Variants in VGLL4 observed in about 807,000 individuals in gnomAD.
VGLL4 encodes transcription cofactor vestigial-like protein 4.
VGLL4 carries 7 observed loss-of-function variants against 21.0 expected under a neutral mutation model. The observed-to-expected ratio is 0.33, with a 90% CI of 0.19 to 0.63. VGLL4 has a LOEUF of 0.63. Ranked by LOEUF, VGLL4 falls within the 20% of genes least tolerant of loss-of-function variation. The pLI, the probability that VGLL4 is intolerant of heterozygous loss-of-function variation, is 0.78. For synonymous variants in VGLL4, 222 were observed against 173.2 expected (o/e 1.28, Z -2.21); for missense variants, 394 against 425.7 (o/e 0.93, Z 0.66).
chr3:11,584,223 T>C (rs139577051), intron 2 of VGLL4, among the ~76,000 whole-genome samples: 47 of 152,248 alleles, frequency 3.1e-4, no homozygotes, highest in Middle Eastern at 3.4e-3. Context: ...AGAAAGAAGA[T>C]GAATACTCTA....
chr3:11,692,105 T>G (rs918157547), intron 2 of VGLL4, among the ~76,000 whole-genome samples: 4 of 152,054 alleles, frequency 2.6e-5, no homozygotes, highest in African/African-American at 9.7e-5. Flanking sequence ...AAAATATGGA[T>G]CTCTAAGGAT....
rs757969685 is a variant in VGLL4 at position 11,558,562 on chromosome 3, G to A, written c.885C>T (p.Val295=). Residue 295 remains valine (V), a synonymous_variant, in exon 5 of 5, where the codon GTC becomes GTT. Coordinates refer to ENST00000430365, the MANE Select transcript of VGLL4 (RefSeq NM_001128219.3). ...GTTGGAGGAGGCGCTCCCTTCAGGA[G>A]ACCACAGAGGGGGAGTGACTGTGGC... is the stretch of plus-strand genomic sequence containing the variant. The part of the protein sequence containing the change: ...MVSHSHSPSV[V]S 48 of 1,599,396 alleles carry A rather than the reference G, an allele frequency of 3.0e-5. 1 individual carries two copies. The Middle Eastern group carries it at 5.0e-4, about 17-fold the overall frequency.
In VGLL4 at chr3:11,559,365, G is replaced by C. The variant is rs2072754435; in HGVS notation, c.586C>G (p.Pro196Ala). Residue 196 changes from proline to alanine, a missense_variant, in exon 4 of 5, where the codon CCC becomes GCC. By Grantham distance (27) the Pro-to-Ala change is conservative. Coordinates refer to ENST00000430365, the MANE Select transcript of VGLL4 (RefSeq NM_001128219.3). ...CPIAHSGCAA[P>A]GPASYRRPPS... ...GGCCTCCGGTAGCTGGCAGGCCCGG[G>C]CGCGGCACAGCCGCTGTGCGCGATG... 14 of 1,551,382 alleles carry C rather than the reference G, an allele frequency of 9.0e-6. No homozygotes were observed. Among genetic ancestry groups the C allele is most frequent in the Non-Finnish European group, 1.2e-5 (14 of 1,147,516 alleles).
chr3:11,652,342 G>C (rs2075885017), intron 2 of VGLL4, among the ~76,000 whole-genome samples: 1 of 152,100 alleles, frequency 6.6e-6, no homozygotes, highest in South Asian at 2.1e-4. Flanking sequence ...TTGATGCCAA[G>C]TGATTAAATA....
rs923900211 is a variant in VGLL4 at position 11,720,340 on chromosome 3, C to A, written c.-14+54G>T. ...CCCGCCTCCCGGGCCCCGTCGCCCCCTCTCGGCACCCGCATGCCCGAGCCG... is the reference window on the plus strand; with the variant it reads ...CCCGCCTCCCGGGCCCCGTCGCCCCATCTCGGCACCCGCATGCCCGAGCCG... On this transcript the variant is annotated intron_variant, in intron 1 of 5. Transcript: ENST00000273038. 3 of 149,476 alleles carry A rather than the reference C, an allele frequency of 2.0e-5. No individual in the cohort carries two copies. In the East Asian group the frequency reaches 6.1e-4, roughly 30 times the overall value. 9.3% of individuals were successfully genotyped at this position (149,476 alleles called of 1,614,324 possible). A position where few individuals can be genotyped will look rare whatever the true frequency, so the allele number is the denominator to read the frequency against.
chr3:11,626,600 T>C, intron 1 of VGLL4: 1 of 300,766 alleles, frequency 3.3e-6, no homozygotes, highest in South Asian at 3.1e-5. Flanking sequence ...GCTATGGTTA[T>C]CCCACCTCTT....
Position 11,627,666 on chromosome 3 carries a change from A to C in VGLL4, c.82+15771T>G, listed in dbSNP as rs1381021044. On this transcript the variant is annotated intron_variant, in intron 1 of 4. Transcript: ENST00000430365. ...ATCGCAGTATTACGTTAAATGTGTA[A>C]TTTTCCAAGGTAACTATTACTTATT... 3.3e-5 allele frequency among the ~76,000 whole-genome samples: 5 copies of C among 151,764 alleles called. No homozygotes were observed. In the East Asian group the frequency reaches 9.7e-4, roughly 29 times the overall value.
At chr3:11,605,501 A>C (rs1029853483) in intron 1 of VGLL4, among the ~76,000 whole-genome samples, 6 of 151,864 alleles carry the variant, frequency 4.0e-5, no homozygotes, top group Non-Finnish European at 5.9e-5. Context: ...TAGACTCATC[A>C]CCATTCCACA....
At chr3:11,709,420 G>A (rs2076807171) in intron 1 of VGLL4, among the ~76,000 whole-genome samples, 1 of 141,856 alleles carries the variant, frequency 7.0e-6, no homozygotes, top group Non-Finnish European at 1.5e-5. Context: ...CCAGGGAACA[G>A]TGCAAGACTC....
At chr3:11,644,882 CAAG>C (rs1379060327), upstream of VGLL4, among the ~76,000 whole-genome samples, 94 of 146,956 alleles carry the variant, frequency 6.4e-4, no homozygotes, top group African/African-American at 2.1e-3. Flanking sequence ...AAAAAGGAGA[CAAG>C]GAGAGGAGAA....
chr3:11,597,354 T>C (rs2074670636), intron 2 of VGLL4, among the ~76,000 whole-genome samples: 1 of 152,132 alleles, frequency 6.6e-6, no homozygotes, highest in Non-Finnish European at 1.5e-5. Context: ...CAAACAGACA[T>C]TCATCTTCTT....
intron 1 of VGLL4, among the ~76,000 whole-genome samples, chr3:11,632,177 A>G (rs2075492199): frequency 6.6e-6 from 1 of 152,026 alleles, no homozygotes; most frequent in African/African-American, 2.4e-5. Context: ...GCCGTGTGTA[A>G]TGGCACGCAC....
rs763265828 is a variant in VGLL4, at chr3:11,559,387, G to A, written c.564C>T (p.Ile188=). ...ARNCNLSHCP[I]AHSGCAAPGP... ...CGGGCGCGGCACAGCCGCTGTGCGCGATGGGGCAGTGCGAGAGGTTGCAGT... is the reference window on the plus strand; with the variant it reads ...CGGGCGCGGCACAGCCGCTGTGCGCAATGGGGCAGTGCGAGAGGTTGCAGT... The change falls in exon 4 of 5, where the codon ATC becomes ATT. Residue 188 remains isoleucine, a synonymous_variant. Transcript: ENST00000430365. 101 of 1,558,710 alleles carry A rather than the reference G, an allele frequency of 6.5e-5. No homozygotes were observed. Among genetic ancestry groups the A allele is most frequent in the Non-Finnish European group, 8.2e-5 (95 of 1,152,178 alleles).
At chr3:11,586,777 G>A (rs560804150) in intron 2 of VGLL4, among the ~76,000 whole-genome samples, 4 of 152,252 alleles carry the variant, frequency 2.6e-5, no homozygotes, top group Admixed American at 2.6e-4. Flanking sequence ...TATGACAATC[G>A]CTTTGTCGGG....
rs1430688101 is a variant in VGLL4, at chr3:11,681,244, C to T, written c.64+21727G>A. On this transcript the variant is annotated intron_variant, in intron 2 of 5. Coordinates refer to the VGLL4 transcript ENST00000273038. Reference sequence around the variant, plus strand: ...TCCCGAGTAGCTGGGACTACAGGTGCCCGCCACCACGCCCGGCTAATTTTT... The same window carrying T: ...TCCCGAGTAGCTGGGACTACAGGTGTCCGCCACCACGCCCGGCTAATTTTT... Among the ~76,000 whole-genome samples, 35 of 152,020 alleles carry T rather than the reference C, an allele frequency of 2.3e-4. 1 individual carries two copies. The highest frequency in any genetic ancestry group is 6.5e-4 in the Admixed American group (10 of 15,268).
At chr3:11,685,782 G>A (rs1173893139) in intron 2 of VGLL4, among the ~76,000 whole-genome samples, 1 of 152,088 alleles carries the variant, frequency 6.6e-6, no homozygotes, top group African/African-American at 2.4e-5. Context: ...AAAGCAAGAG[G>A]TCAAGGCGGT....
At chr3:11,667,191 A>C (rs2076139253) in intron 2 of VGLL4, among the ~76,000 whole-genome samples, 1 of 152,148 alleles carries the variant, frequency 6.6e-6, no homozygotes, top group South Asian at 2.1e-4. Context: ...CAAACTCACA[A>C]AGCCCTACAC....
chr3:11,624,936 C>T (rs1301664055), intron 1 of VGLL4, among the ~76,000 whole-genome samples: 1 of 152,186 alleles, frequency 6.6e-6, no homozygotes, highest in African/African-American at 2.4e-5. Flanking sequence ...GAGGCCGCCG[C>T]AGGTAAACAG....
intron 2 of VGLL4, among the ~76,000 whole-genome samples, chr3:11,593,585 A>ACAAAG (rs2074556737): frequency 6.6e-6 from 1 of 152,182 alleles, no homozygotes; most frequent in South Asian, 2.1e-4. Flanking sequence ...ACAAAACAAA[A>ACAAAG]CAAAACACCA....
Sources: gnomAD v4.1 joint callset for allele counts (sites outside exome capture counted in the v4.1 genomes callset) on GRCh38, gnomAD v4.1.1 for gene constraint, MANE v1.5 for transcripts, NCBI Gene and HGNC (gene_info 2026-07-23, HGNC 2026-07-21) for gene names.